The following RGS6 variants were observed in gnomAD, a reference collection of about 807,000 sequenced individuals.
RGS6 encodes regulator of G-protein signaling 6.
RGS6 carries 30 observed loss-of-function variants against 78.5 expected under a neutral mutation model. The observed-to-expected ratio is 0.38, with a 90% CI of 0.29 to 0.52. The LOEUF (loss-of-function observed/expected upper bound fraction) is 0.52, where lower values mean the gene tolerates loss of function less well. Ranked by LOEUF, RGS6 falls within the 20% of genes least tolerant of loss-of-function variation. The probability of loss-of-function intolerance (pLI) is 0.85; values close to 1 mark genes in which losing one functional copy is unlikely to be tolerated. For synonymous variants in RGS6, 206 were observed against 206.0 expected (o/e 1.00, Z 0.00); for missense variants, 495 against 609.7 (o/e 0.81, Z 1.98).
chr14:71,952,033 A>G (rs924407201), intron 1 of RGS6, among the ~76,000 whole-genome samples: 1 of 152,178 alleles, frequency 6.6e-6, no homozygotes, highest in African/African-American at 2.4e-5. Context: ...ATAAATTATT[A>G]TGAATTTCCA....
intron 2 of RGS6, among the ~76,000 whole-genome samples, chr14:71,979,388 C>T (rs2094327513): frequency 6.7e-6 from 1 of 148,662 alleles, no homozygotes. Context: ...CCTGCTTTCT[C>T]TTGTGGGCAT....
chr14:72,380,255 C>T (rs898145926), intron 3 of RGS6, among the ~76,000 whole-genome samples: 2 of 151,812 alleles, frequency 1.3e-5, no homozygotes, highest in Non-Finnish European at 1.5e-5. Flanking sequence ...AGGACATTGG[C>T]CTGGGAAAAG....
chr14:72,455,354 T>G (rs2095604618), intron 4 of RGS6, among the ~76,000 whole-genome samples: 1 of 152,230 alleles, frequency 6.6e-6, no homozygotes, highest in South Asian at 2.1e-4. Context: ...TAGACTTACC[T>G]GCCCCAAATT....
At chr14:72,430,812 C>G (rs115969708) in intron 3 of RGS6, among the ~76,000 whole-genome samples, 2 of 152,110 alleles carry the variant, frequency 1.3e-5, no homozygotes, top group Non-Finnish European at 2.9e-5. Flanking sequence ...TGCTGATCAC[C>G]CATGGGCATG....
At chr14:72,396,393 T>G (rs916387289) in intron 3 of RGS6, among the ~76,000 whole-genome samples, 7 of 152,192 alleles carry the variant, frequency 4.6e-5, no homozygotes, top group Non-Finnish European at 2.9e-5. Flanking sequence ...TTGTTTGTTT[T>G]TTTCCTGTAA....
At chr14:72,492,180 C>T (rs1404739592) in intron 12 of RGS6, among the ~76,000 whole-genome samples, 1 of 152,166 alleles carries the variant, frequency 6.6e-6, no homozygotes, top group Admixed American at 6.5e-5. Context: ...AGCATAAATG[C>T]ATTTATTTCA....
chr14:72,205,694 T>C (rs8020284), intron 2 of RGS6, among the ~76,000 whole-genome samples: 100 of 152,362 alleles, frequency 6.6e-4, no homozygotes, highest in Middle Eastern at 3.4e-3. Context: ...TGGTGATGAG[T>C]ATTTTGGAAG....
intron 2 of RGS6, among the ~76,000 whole-genome samples, chr14:72,172,949 C>G (rs1255746114): frequency 6.6e-6 from 1 of 152,206 alleles, no homozygotes; most frequent in East Asian, 1.9e-4. Context: ...AGCAGTAGTT[C>G]TGAACCAGGG....
rs372866325 is a variant in RGS6, at chr14:72,052,983, TTC to T, written c.84+88130_84+88131del. 7.6e-3 allele frequency among the ~76,000 whole-genome samples: 652 copies of T among 85,556 alleles called. 8 individuals are homozygous for T. The highest frequency in any genetic ancestry group is 0.013 in the Middle Eastern group (2 of 154). The allele number at this position is 85,556 out of a possible 152,430, so 56.1% of individuals were successfully genotyped here. On this transcript the variant is annotated intron_variant, in intron 2 of 17. Transcript: ENST00000553525. ...TTTCTTTCTTTCTTTCTTTCTTTCT[TTC>T]TCTCTCTCTCTCTCTCTCTCTTTCT...
chr14:72,258,155 A>C lies in RGS6; in HGVS notation c.85-93940A>C, dbSNP rs115515005. On this transcript the variant is annotated intron_variant, in intron 2 of 17. Transcript: ENST00000553525. ...AGGATTTATCTGGGCTGTCTTACTC[A>C]TAAAACTGCACAATGGCCTAGATTT... Among the ~76,000 whole-genome samples the C allele has an allele frequency of 2.9e-3, 440 of 152,336 alleles. 2 individuals carry two copies. The highest frequency in any genetic ancestry group is 0.01 in the African/African-American group (422 of 41,574).
chr14:72,358,196 G>A (rs899370417), intron 3 of RGS6, among the ~76,000 whole-genome samples: 1 of 152,220 alleles, frequency 6.6e-6, no homozygotes, highest in Non-Finnish European at 1.5e-5. Flanking sequence ...GCAGAGGTGT[G>A]CTGCAGGGGC....
chr14:71,946,492 TAA>T (rs2091540442), intron 1 of RGS6, among the ~76,000 whole-genome samples: 2 of 152,150 alleles, frequency 1.3e-5, no homozygotes, highest in Non-Finnish European at 2.9e-5. Context: ...CATTTCCAGA[TAA>T]TGATTAATTG....
chr14:71,878,216 A>G, the RGS6 span, among the ~76,000 whole-genome samples: 2 of 152,216 alleles, frequency 1.3e-5, no homozygotes, highest in Non-Finnish European at 2.9e-5. Context: ...GCTGTCAGAC[A>G]GGGACGTTTA....
At chr14:72,159,694 A>AT (rs912029853) in intron 2 of RGS6, among the ~76,000 whole-genome samples, 57 of 151,660 alleles carry the variant, frequency 3.8e-4, no homozygotes, top group Middle Eastern at 3.4e-3. Context: ...ATGGCCTGTG[A>AT]TTTTTTTTTC....
intron 2 of RGS6, among the ~76,000 whole-genome samples, chr14:71,996,195 A>G (rs924761445): frequency 3.3e-5 from 5 of 150,156 alleles, no homozygotes; most frequent in African/African-American, 9.8e-5. Context: ...GACAAAGCCC[A>G]GACAAACCTC....
At chr14:72,234,973 C>T (rs847301) in intron 2 of RGS6, among the ~76,000 whole-genome samples, 1 of 152,100 alleles carries the variant, frequency 6.6e-6, no homozygotes, top group African/African-American at 2.4e-5. Context: ...ACCTCAGAGA[C>T]GATATTCTTG....
intron 2 of RGS6, among the ~76,000 whole-genome samples, chr14:72,243,582 C>G (rs1204951467): frequency 1.3e-5 from 2 of 152,168 alleles, no homozygotes; most frequent in Admixed American, 6.5e-5. Context: ...GTCTTAAAGG[C>G]ATAAATCACT....
chr14:71,936,208 G>A (rs1044209612), intron 1 of RGS6, among the ~76,000 whole-genome samples: 1 of 151,684 alleles, frequency 6.6e-6, no homozygotes, highest in Non-Finnish European at 1.5e-5. Flanking sequence ...GAGGAGCAAG[G>A]AGAGCCAGTC....
chr14:72,594,717 T>C, the RGS6 span: 1 of 152,114 alleles, frequency 6.6e-6, no homozygotes, highest in Admixed American at 6.5e-5. Flanking sequence ...CAAACCTCAG[T>C]TGTGTTGAAT....
Sources: allele counts gnomAD v4.1 joint callset (sites outside exome capture counted in the v4.1 genomes callset), GRCh38; gene constraint gnomAD v4.1.1; transcripts MANE v1.5; gene names NCBI Gene and HGNC (gene_info 2026-07-23, HGNC 2026-07-21).